Variants in CAPZB observed in about 807,000 individuals in gnomAD.
CAPZB encodes F-actin-capping protein subunit beta.
Under a neutral mutation model 38.1 loss-of-function variants are expected in CAPZB, and 2 were observed. The ratio of observed to expected loss-of-function variants is 0.05; its 90% confidence interval spans 0.02 to 0.17. CAPZB has a LOEUF of 0.17. Ranked by LOEUF, CAPZB falls within the 10% of genes least tolerant of loss-of-function variation. The pLI is 1.00. For synonymous variants in CAPZB, 107 were observed against 127.4 expected, an observed-to-expected ratio of 0.84 and a Z score of 1.08; for missense variants, 161 against 334.2, an observed-to-expected ratio of 0.48 and a Z score of 4.04.
rs115110021 is a variant in CAPZB, at chr1:19,385,756, A to G, written c.94-130T>C. 2.1e-3 allele frequency: 2,142 copies of G among 1,023,306 alleles called. 25 individuals are homozygous for G. In the African/African-American group the frequency reaches 0.028, roughly 13 times the overall value. 63.4% of individuals were successfully genotyped at this position (1,023,306 alleles called of 1,614,324 possible). Reference sequence around the variant, plus strand: ...TGGCCCTGGGCACTGAGACAAAATTATGGGCCTGTTCTTTTCTTTTCCACA... The same window carrying G: ...TGGCCCTGGGCACTGAGACAAAATTGTGGGCCTGTTCTTTTCTTTTCCACA... On this transcript the variant is annotated intron_variant, in intron 2 of 8. Coordinates refer to ENST00000264202, the MANE Select transcript of CAPZB (RefSeq NM_004930.5).
At chr1:19,394,578 G>T (rs546123770) in intron 2 of CAPZB, among the ~76,000 whole-genome samples, 14 of 152,224 alleles carry the variant, frequency 9.2e-5, no homozygotes, top group African/African-American at 3.1e-4. Flanking sequence ...AAAATTAGCC[G>T]GGCGTGGTGG....
At chr1:19,454,071 T>C (rs2094525457) in intron 1 of CAPZB, among the ~76,000 whole-genome samples, 1 of 152,180 alleles carries the variant, frequency 6.6e-6, no homozygotes, top group Non-Finnish European at 1.5e-5. Flanking sequence ...TGGCCAGGGC[T>C]CCTGGAGGGC....
intron 4 of CAPZB, among the ~76,000 whole-genome samples, chr1:19,366,315 A>T (rs995974278): frequency 4.3e-5 from 5 of 117,616 alleles, no homozygotes; most frequent in South Asian, 4.9e-4. Flanking sequence ...TATATAAATA[A>T]AATAAATGGT....
Position 19,385,614 on chromosome 1 carries a change from A to G in CAPZB, c.106T>C (p.Cys36Arg). 1 of 1,614,214 alleles carries G rather than the reference A, an allele frequency of 6.2e-7. No individual in the cohort carries two copies. Among genetic ancestry groups the G allele is most frequent in the Non-Finnish European group, 8.5e-7 (1 of 1,180,008 alleles). Residue 36 changes from cysteine (C) to arginine (R), a missense_variant, in exon 3 of 9, where the codon TGT becomes CGT. Cys to Arg is a radical substitution (Grantham distance 180, BLOSUM62 -3). Coordinates refer to ENST00000264202, the MANE Select transcript of CAPZB (RefSeq NM_004930.5). ...SDLIDLVPSL[C>R]EDLLSSVDQP... ...TCAACAGAAGACAGGAGATCCTCAC[A>G]TAGACTGGGGACCTGGCAGAGAGAA...
Position 19,345,382 on chromosome 1 carries a change from A to C in CAPZB, c.589-130T>G, listed in dbSNP as rs1205467411. The C allele has an allele frequency of 4.0e-6, 3 of 747,846 alleles. No individual in the cohort carries two copies. The Admixed American group carries it at 6.4e-5, about 16-fold the overall frequency. The allele number at this position is 747,846 out of a possible 1,614,324, so 46.3% of individuals were successfully genotyped here. On this transcript the variant is annotated intron_variant, in intron 6 of 8. Transcript: ENST00000264202. ...CCGTGGAGCCAGCTGCAGGTATGAC[A>C]AGGCCAGTTTTGCAGCCTGGGAACT...
At position 19,464,289 on chromosome 1, in the gene CAPZB, A is replaced by AT. The variant is rs891453430; in HGVS notation, c.3+21146dup. ...TCCACATAAAAGCTTATCTCTGAAG[A>AT]TTTTTTTTTTTTTTTTTTTTGAGAT... On this transcript the variant is annotated intron_variant, in intron 1 of 8. Transcript: ENST00000264202. Among the ~76,000 whole-genome samples the AT allele has an allele frequency of 7.5e-3, 996 of 132,562 alleles. 16 individuals are homozygous for AT. Among genetic ancestry groups the AT allele is most frequent in the African/African-American group, 0.021 (739 of 34,724 alleles). 87.0% of individuals were successfully genotyped at this position (132,562 alleles called of 152,430 possible). A position where few individuals can be genotyped will look rare whatever the true frequency, so the allele number is the denominator to read the frequency against.
intron 1 of CAPZB, chr1:19,484,397 C>CCA: frequency 6.5e-7 from 1 of 1,528,346 alleles, no homozygotes. Context: ...CCCTCGGCTC[C>CCA]CACTCAGGCC....
At chr1:19,415,420 C>G (rs1328645742) in intron 2 of CAPZB, among the ~76,000 whole-genome samples, 3 of 152,194 alleles carry the variant, frequency 2.0e-5, no homozygotes, top group Non-Finnish European at 4.4e-5. Context: ...TGGGAAGAAA[C>G]TAAAACTGCA....
Position 19,339,273 on chromosome 1 carries a change from G to C in CAPZB, c.*257C>G, listed in dbSNP as rs1290054000. The C allele has an allele frequency of 2.0e-6, 1 of 491,214 alleles. No homozygotes were observed. Among genetic ancestry groups the C allele is most frequent in the Non-Finnish European group, 3.6e-6 (1 of 275,076 alleles). 30.4% of individuals were successfully genotyped at this position (491,214 alleles called of 1,614,324 possible). ...GGACAGGGAGGAAGACGGGGGGCCC[G>C]GGTGAACAAAAACCACACGGTCTCT... is the stretch of plus-strand genomic sequence containing the variant. On this transcript the variant is annotated 3_prime_UTR_variant, in exon 9 of 9. Coordinates refer to ENST00000264202, the MANE Select transcript of CAPZB (RefSeq NM_004930.5).
At chr1:19,352,100 C>A (rs2093994884) in intron 6 of CAPZB, among the ~76,000 whole-genome samples, 1 of 152,266 alleles carries the variant, frequency 6.6e-6, no homozygotes, top group Non-Finnish European at 1.5e-5. Context: ...ACTCCTGGAA[C>A]TGCCAAGCTG....
chr1:19,422,234 G>T (rs1270005283), intron 1 of CAPZB, among the ~76,000 whole-genome samples: 1 of 152,162 alleles, frequency 6.6e-6, no homozygotes, highest in Non-Finnish European at 1.5e-5. Context: ...TGGGAGAGAA[G>T]AAACTACTGA....
In CAPZB at chr1:19,419,510, T is replaced by G. The variant is rs549088015; in HGVS notation, c.93+151A>C. Reference sequence around the variant, plus strand: ...ACCACCATATGAAATCCATCTTCTCTCTGCCTGGAGGAATCTCATAGTCCA... The same window carrying G: ...ACCACCATATGAAATCCATCTTCTCGCTGCCTGGAGGAATCTCATAGTCCA... On this transcript the variant is annotated intron_variant, in intron 2 of 8. Transcript: ENST00000264202. 4 of 590,204 alleles carry G rather than the reference T, an allele frequency of 6.8e-6. No individual in the cohort carries two copies. The East Asian group carries it at 1.2e-4, about 17-fold the overall frequency. The allele number at this position is 590,204 out of a possible 1,614,324, so 36.6% of individuals were successfully genotyped here. A position where few individuals can be genotyped will look rare whatever the true frequency, so the allele number is the denominator to read the frequency against.
intron 2 of CAPZB, among the ~76,000 whole-genome samples, chr1:19,413,642 G>A (rs1405173026): frequency 1.3e-5 from 2 of 152,210 alleles, no homozygotes; most frequent in Non-Finnish European, 2.9e-5. Flanking sequence ...CTTAAGTGAA[G>A]ACATTTTAAA....
At chr1:19,485,410 C>T in intron 1 of CAPZB, 26 bp downstream of exon 1, 1 of 1,227,880 alleles carries the variant, frequency 8.1e-7, no homozygotes, top group Non-Finnish European at 1.0e-6. Flanking sequence ...GCCCCCGGGC[C>T]GGGGAGGGGG....
In CAPZB at chr1:19,347,275, G is replaced by C. The variant is rs546655248; in HGVS notation, c.589-2023C>G. ...ATTTTAAACTCAGAGATCATGAGGA[G>C]CCAGCCAGGCTCACTGTGAACAAGC... On this transcript the variant is annotated intron_variant, in intron 6 of 8. Coordinates refer to ENST00000264202, the MANE Select transcript of CAPZB (RefSeq NM_004930.5). Among the ~76,000 whole-genome samples the C allele has an allele frequency of 5.9e-5, 9 of 152,318 alleles. No individual in the cohort carries two copies. The South Asian group carries it at 1.9e-3, about 32-fold the overall frequency.
intron 4 of CAPZB, among the ~76,000 whole-genome samples, chr1:19,368,816 C>A (rs1393456587): frequency 1.3e-5 from 2 of 152,082 alleles, no homozygotes; most frequent in Admixed American, 1.3e-4. Flanking sequence ...CAGGTGTGAG[C>A]CACTGTGCCC....
chr1:19,413,857 G>T (rs904884308), intron 2 of CAPZB, among the ~76,000 whole-genome samples: 1 of 152,154 alleles, frequency 6.6e-6, no homozygotes. Flanking sequence ...TCACCTGGGG[G>T]ACAAAACTGA....
At chr1:19,363,051 C>T (rs544832212) in intron 4 of CAPZB, among the ~76,000 whole-genome samples, 23 of 152,172 alleles carry the variant, frequency 1.5e-4, no homozygotes, top group Admixed American at 8.5e-4. Flanking sequence ...ACGGTCCCGG[C>T]GCCTTTTAAG....
chr1:19,353,895 G>C (rs968658306), intron 6 of CAPZB, among the ~76,000 whole-genome samples: 2 of 152,222 alleles, frequency 1.3e-5, no homozygotes, highest in African/African-American at 4.8e-5. Context: ...TCCTGCTTGC[G>C]GGGCCTGCTT....
Sources: allele counts gnomAD v4.1 joint callset (sites outside exome capture counted in the v4.1 genomes callset), GRCh38; gene constraint gnomAD v4.1.1; transcripts MANE v1.5; gene names NCBI Gene and HGNC (gene_info 2026-07-23, HGNC 2026-07-21).